The following XRCC4 variants were observed in gnomAD, a reference collection of about 807,000 sequenced individuals.
XRCC4 encodes DNA repair protein XRCC4.
XRCC4 carries 28 observed loss-of-function variants against 39.1 expected under a neutral mutation model. The ratio of observed to expected loss-of-function variants is 0.72; its 90% confidence interval spans 0.53 to 0.98. The LOEUF is 0.98. Ranked by LOEUF, XRCC4 falls within the 50% of genes least tolerant of loss-of-function variation. The pLI is 0.00. For missense variants in XRCC4, 350 were observed against 376.4 expected (o/e 0.93, Z 0.58); for synonymous variants, 123 against 126.4 (o/e 0.97, Z 0.18).
intron 7 of XRCC4, among the ~76,000 whole-genome samples, chr5:83,306,510 C>CTT (rs10641870): frequency 0.92 from 139,949 of 151,760 alleles, 64,690 homozygotes; most frequent in African/African-American, 0.98. Context: ...ATACTTTTCC[C>CTT]AAGAATGACT....
At chr5:83,215,522 T>C (rs973054139) in intron 6 of XRCC4, among the ~76,000 whole-genome samples, 10 of 152,108 alleles carry the variant, frequency 6.6e-5, no homozygotes, top group African/African-American at 2.4e-4. Context: ...CAAGAAATAA[T>C]TGGAGAACTC....
At chr5:83,342,033 G>C (rs542108683) in intron 7 of XRCC4, among the ~76,000 whole-genome samples, 1 of 152,262 alleles carries the variant, frequency 6.6e-6, no homozygotes, top group Non-Finnish European at 1.5e-5. Context: ...TTCCACCAAC[G>C]TGACAGTTTT....
At chr5:83,138,602 A>G (rs1748014446) in intron 3 of XRCC4, among the ~76,000 whole-genome samples, 1 of 152,098 alleles carries the variant, frequency 6.6e-6, no homozygotes, top group Non-Finnish European at 1.5e-5. Context: ...CTTTGCTAGT[A>G]TACTTTATAA....
At chr5:83,101,831 G>A (rs1364025594) in intron 1 of XRCC4, among the ~76,000 whole-genome samples, 8 of 152,030 alleles carry the variant, frequency 5.3e-5, no homozygotes, top group African/African-American at 9.7e-5. Flanking sequence ...ACTATTCAAC[G>A]TAACCTTAAC....
At chr5:83,362,349 T>C in the XRCC4 span, among the ~76,000 whole-genome samples, 1 of 149,860 alleles carries the variant, frequency 6.7e-6, no homozygotes, top group Admixed American at 6.6e-5. Context: ...TGTTCATGTA[T>C]TCACATATTG....
At chr5:83,122,982 T>C (rs189741276) in intron 3 of XRCC4, among the ~76,000 whole-genome samples, 7 of 152,184 alleles carry the variant, frequency 4.6e-5, no homozygotes, top group Non-Finnish European at 8.8e-5. Flanking sequence ...TTGTATGCAC[T>C]TGAAAGAATT....
chr5:83,298,581 AC>A (rs1391200135), intron 7 of XRCC4, among the ~76,000 whole-genome samples: 1 of 148,504 alleles, frequency 6.7e-6, no homozygotes, highest in Non-Finnish European at 1.5e-5. Context: ...CTGTTTATTC[AC>A]CCTTGTTACT....
chr5:83,135,391 CT>C (rs35742750), intron 3 of XRCC4, among the ~76,000 whole-genome samples: 82 of 145,640 alleles, frequency 5.6e-4, no homozygotes, highest in Admixed American at 2.4e-3. Flanking sequence ...GGCAGTATGC[CT>C]TTTTTTTTTT....
chr5:83,280,273 G>T, intron 7 of XRCC4: 1 of 363,774 alleles, frequency 2.7e-6, no homozygotes, highest in Non-Finnish European at 5.3e-6. Flanking sequence ...ACAATATCCG[G>T]ATGTCTTTGA....
intron 7 of XRCC4, among the ~76,000 whole-genome samples, chr5:83,306,567 C>T (rs1226739313): frequency 6.6e-6 from 1 of 152,132 alleles, no homozygotes; most frequent in Non-Finnish European, 1.5e-5. Flanking sequence ...TGAATAATTT[C>T]ATAAGCAAAT....
intron 3 of XRCC4, among the ~76,000 whole-genome samples, chr5:83,171,194 G>T (rs981599194): frequency 2.6e-5 from 4 of 152,028 alleles, no homozygotes; most frequent in Middle Eastern, 3.2e-3. Context: ...TCACTCAAGT[G>T]AACTTCTCAG....
At position 83,164,684 on chromosome 5, in the gene XRCC4, T is replaced by G. The variant is rs555289512; in HGVS notation, c.316-31086T>G. 9.8e-5 allele frequency among the ~76,000 whole-genome samples: 15 copies of G among 152,286 alleles called. No homozygotes were observed. The East Asian group carries it at 2.9e-3, about 29-fold the overall frequency. ...ATGTATCTCAAACATGTTGTACAAC[T>G]TAAATGTATACAATTTTTATTTCCC... On this transcript the variant is annotated intron_variant, in intron 3 of 7. Transcript: ENST00000396027.
chr5:83,329,714 C>A (rs767732434), intron 7 of XRCC4, among the ~76,000 whole-genome samples: 2 of 152,124 alleles, frequency 1.3e-5, no homozygotes, highest in Non-Finnish European at 2.9e-5. Context: ...AGGTGCACAA[C>A]TTTAATCAAA....
chr5:83,111,265 A>G, intron 3 of XRCC4, 62 bp downstream of exon 3: 1 of 1,373,056 alleles, frequency 7.3e-7, no homozygotes, highest in Non-Finnish European at 9.7e-7. Context: ...GAGGAATTAT[A>G]TTTAAATTTA....
intron 1 of XRCC4, among the ~76,000 whole-genome samples, chr5:83,095,875 C>A (rs1442543332): frequency 6.6e-6 from 1 of 152,050 alleles, no homozygotes; most frequent in African/African-American, 2.4e-5. Context: ...TTCAGCAGTT[C>A]CCTGTCCAGG....
chr5:83,267,841 C>T (rs767176059), intron 7 of XRCC4, among the ~76,000 whole-genome samples: 3 of 152,068 alleles, frequency 2.0e-5, no homozygotes, highest in Non-Finnish European at 4.4e-5. Context: ...ATAAAACAAA[C>T]GCATGGAGAA....
At chr5:83,148,447 C>G (rs1041038616) in intron 3 of XRCC4, among the ~76,000 whole-genome samples, 2 of 152,134 alleles carry the variant, frequency 1.3e-5, no homozygotes, top group Admixed American at 1.3e-4. Flanking sequence ...GATGAATCAA[C>G]TCAGTTTTGC....
chr5:83,342,115 G>A (rs774404200), intron 7 of XRCC4, among the ~76,000 whole-genome samples: 4 of 152,136 alleles, frequency 2.6e-5, no homozygotes, highest in Non-Finnish European at 5.9e-5. Context: ...ATGTATGCAG[G>A]ACATTTCAGG....
At chr5:83,157,721 T>C (rs1749028094) in intron 3 of XRCC4, among the ~76,000 whole-genome samples, 1 of 151,944 alleles carries the variant, frequency 6.6e-6, no homozygotes, top group South Asian at 2.1e-4. Context: ...ACAGAAGCAG[T>C]CTTCCAGGAA....
Sources: allele counts gnomAD v4.1 joint callset (sites outside exome capture counted in the v4.1 genomes callset), GRCh38; gene constraint gnomAD v4.1.1; transcripts MANE v1.5; gene names NCBI Gene and HGNC (gene_info 2026-07-23, HGNC 2026-07-21).